Variants in PTBP2 observed in about 807,000 individuals in gnomAD.
PTBP2 encodes polypyrimidine tract-binding protein 2.
Under a neutral mutation model 61.4 loss-of-function variants are expected in PTBP2, and 13 were observed. The observed-to-expected ratio is 0.21, with a 90% CI of 0.14 to 0.34. The LOEUF (loss-of-function observed/expected upper bound fraction) is 0.34, where lower values mean the gene tolerates loss of function less well. PTBP2 is among the 10% of genes least tolerant of loss of function. PTBP2 has a pLI of 1.00. For missense variants in PTBP2, 405 were observed against 642.6 expected (o/e 0.63, Z 4.00); for synonymous variants, 215 against 218.5 (o/e 0.98, Z 0.14).
intron 3 of PTBP2, among the ~76,000 whole-genome samples, chr1:96,759,574 A>AT (rs1275816837): frequency 6.6e-6 from 1 of 152,208 alleles, no homozygotes; most frequent in Non-Finnish European, 1.5e-5. Context: ...ATAAAAACTA[A>AT]TATATAGAGT....
At chr1:96,755,003 A>G (rs1470555986) in intron 3 of PTBP2, among the ~76,000 whole-genome samples, 1 of 152,220 alleles carries the variant, frequency 6.6e-6, no homozygotes, top group African/African-American at 2.4e-5. Flanking sequence ...ATTTGACATC[A>G]GAATTAAAAT....
At chr1:96,790,723 A>G (rs1019378099) in intron 8 of PTBP2, among the ~76,000 whole-genome samples, 7 of 152,100 alleles carry the variant, frequency 4.6e-5, no homozygotes, top group African/African-American at 1.7e-4. Flanking sequence ...GATTCTTCCC[A>G]CTGTCTGCTT....
At position 96,814,369 on chromosome 1, in the gene PTBP2, GAA is replaced by G. The variant is rs1330533334; in HGVS notation, c.*966_*967del. The G allele has an allele frequency of 6.6e-6, 1 of 152,488 alleles. No homozygotes were observed. Among genetic ancestry groups the G allele is most frequent in the Non-Finnish European group, 1.5e-5 (1 of 67,940 alleles). 9.4% of individuals were successfully genotyped at this position (152,488 alleles called of 1,614,324 possible). ...GGTGCATGTATTTTTCAAAGATAAA[GAA>G]AGTGTACTGCGAAAATATGCAGGAA... is the stretch of plus-strand genomic sequence containing the variant. On this transcript the variant is annotated 3_prime_UTR_variant, in exon 14 of 14. Coordinates refer to ENST00000674951, the MANE Select transcript of PTBP2 (RefSeq NM_021190.4).
chr1:96,760,182 A>C (rs996035877), intron 3 of PTBP2, among the ~76,000 whole-genome samples: 1 of 152,060 alleles, frequency 6.6e-6, no homozygotes, highest in African/African-American at 2.4e-5. Context: ...GTAAAAAAAA[A>C]ACTCCTCCAA....
chr1:96,807,357 AG>A (rs1489135615), intron 11 of PTBP2, among the ~76,000 whole-genome samples: 8 of 152,182 alleles, frequency 5.3e-5, no homozygotes, highest in Non-Finnish European at 2.9e-5. Context: ...TTGCGATACC[AG>A]GTTCTTAGAA....
chr1:96,802,571 A>C (rs1661128306), intron 8 of PTBP2, among the ~76,000 whole-genome samples: 1 of 152,184 alleles, frequency 6.6e-6, no homozygotes, highest in Non-Finnish European at 1.5e-5. Flanking sequence ...AAAGTGATTT[A>C]ATTTTTTTAT....
intron 7 of PTBP2, among the ~76,000 whole-genome samples, chr1:96,779,961 C>T (rs1014295405): frequency 1.3e-5 from 2 of 152,058 alleles, no homozygotes; most frequent in African/African-American, 4.8e-5. Flanking sequence ...CTTCCCATTT[C>T]TTCAGTCAAC....
At chr1:96,754,981 T>C (rs1405133851) in intron 3 of PTBP2, among the ~76,000 whole-genome samples, 1 of 152,110 alleles carries the variant, frequency 6.6e-6, no homozygotes, top group Non-Finnish European at 1.5e-5. Context: ...GCACAATCTA[T>C]TAAAAAATGG....
At chr1:96,794,872 G>A (rs1334539199) in intron 8 of PTBP2, among the ~76,000 whole-genome samples, 4 of 152,166 alleles carry the variant, frequency 2.6e-5, no homozygotes, top group African/African-American at 7.2e-5. Context: ...ATTCAGTTAT[G>A]TGTGACGAAT....
chr1:96,793,039 T>C (rs1660015236), intron 8 of PTBP2, among the ~76,000 whole-genome samples: 1 of 152,142 alleles, frequency 6.6e-6, no homozygotes, highest in Non-Finnish European at 1.5e-5. Flanking sequence ...AAAAAATACA[T>C]GTAAATTAAA....
chr1:96,810,762 A>G (rs1662003436), intron 11 of PTBP2, among the ~76,000 whole-genome samples: 1 of 152,206 alleles, frequency 6.6e-6, no homozygotes, highest in African/African-American at 2.4e-5. Context: ...TAGTTTATCT[A>G]AACAAAAGTT....
chr1:96,776,540 C>T (rs1570909007), intron 5 of PTBP2, among the ~76,000 whole-genome samples: 1 of 151,792 alleles, frequency 6.6e-6, no homozygotes, highest in East Asian at 1.9e-4. Context: ...TGTTTATTCT[C>T]CTGAGTGTCC....
intron 11 of PTBP2, among the ~76,000 whole-genome samples, chr1:96,809,595 C>A (rs1571033584): frequency 6.6e-6 from 1 of 152,036 alleles, no homozygotes. Context: ...TCACTGCAGC[C>A]TCGACCTCCC....
rs1353069297 is a variant in PTBP2 at position 96,794,346 on chromosome 1, C to T, written c.904+9092C>T. Among the ~76,000 whole-genome samples the T allele has an allele frequency of 2.0e-5, 3 of 152,130 alleles. No homozygotes were observed. The South Asian group carries it at 6.2e-4, about 31-fold the overall frequency. Reference sequence around the variant, plus strand: ...AAGAAATTGTGTTTTTAAGAGTTGACAAATATATGTTGTATGGCTAAAACA... The same window carrying T: ...AAGAAATTGTGTTTTTAAGAGTTGATAAATATATGTTGTATGGCTAAAACA... On this transcript the variant is annotated intron_variant, in intron 8 of 13. Coordinates refer to ENST00000674951, the MANE Select transcript of PTBP2 (RefSeq NM_021190.4).
chr1:96,738,998 G>A (rs1392452307), intron 2 of PTBP2, among the ~76,000 whole-genome samples: 1 of 152,104 alleles, frequency 6.6e-6, no homozygotes, highest in Non-Finnish European at 1.5e-5. Flanking sequence ...CATTACAAAT[G>A]TTTTTTAAAT....
At chr1:96,792,918 C>T (rs553660740) in intron 8 of PTBP2, among the ~76,000 whole-genome samples, 1 of 152,102 alleles carries the variant, frequency 6.6e-6, no homozygotes, top group Admixed American at 6.5e-5. Context: ...AGCTGTCCCC[C>T]AAGAAAGACC....
At chr1:96,776,691 TAGAA>T (rs1402989710) in intron 5 of PTBP2, among the ~76,000 whole-genome samples, 1 of 151,772 alleles carries the variant, frequency 6.6e-6, no homozygotes. Context: ...ACAGATAAGG[TAGAA>T]AGAAATTATT....
intron 3 of PTBP2, among the ~76,000 whole-genome samples, chr1:96,767,958 A>AT (rs1656927606): frequency 1.3e-5 from 2 of 152,152 alleles, no homozygotes; most frequent in Non-Finnish European, 2.9e-5. Flanking sequence ...ACCTAAGGGG[A>AT]TTTTTAAATG....
chr1:96,797,433 G>C (rs1025885101), intron 8 of PTBP2, among the ~76,000 whole-genome samples: 2 of 152,178 alleles, frequency 1.3e-5, no homozygotes, highest in African/African-American at 4.8e-5. Flanking sequence ...CTCAAGGGAA[G>C]GTTGGTGGAA....
Sources: allele counts gnomAD v4.1 joint callset (sites outside exome capture counted in the v4.1 genomes callset), GRCh38; gene constraint gnomAD v4.1.1; transcripts MANE v1.5; gene names NCBI Gene and HGNC (gene_info 2026-07-23, HGNC 2026-07-21).